AOPEP: variants seen among roughly 807,000 people sequenced by gnomAD.
The protein encoded by AOPEP is aminopeptidase O.
AOPEP carries 77 observed loss-of-function variants against 98.1 expected under a neutral mutation model. The ratio of observed to expected loss-of-function variants is 0.78; its 90% CI spans 0.65 to 0.95. The LOEUF is 0.95. AOPEP is among the 40% of genes least tolerant of loss of function. The pLI is 0.00. For missense variants in AOPEP, 1,024 were observed against 1,024.7 expected (o/e 1.00, Z 0.01); for synonymous variants, 346 against 365.3 (o/e 0.95, Z 0.60).
intron 5 of AOPEP, among the ~76,000 whole-genome samples, chr9:94,906,011 G>C (rs2051089262): frequency 6.6e-6 from 1 of 152,198 alleles, no homozygotes; most frequent in African/African-American, 2.4e-5. Flanking sequence ...GACAGGGAAA[G>C]AAACGAATAA....
intron 2 of AOPEP, among the ~76,000 whole-genome samples, chr9:94,766,060 G>A: frequency 6.6e-6 from 1 of 152,174 alleles, no homozygotes; most frequent in Admixed American, 6.5e-5. Flanking sequence ...CAAGAGTTGT[G>A]TAAAGGTGTT....
rs191350458 is a variant in AOPEP at position 94,862,234 on chromosome 9, G to A, written c.1364+61232G>A. On this transcript the variant is annotated intron_variant, in intron 5 of 16. Transcript: ENST00000375315. ...AGGACGTTTCTTTCAAAGTCACTGG[G>A]CTGGCTGAGCAGGACCCCCACAGAA... 5.3e-4 allele frequency among the ~76,000 whole-genome samples: 81 copies of A among 152,274 alleles called. 3 individuals carry two copies. Among genetic ancestry groups the A allele is most frequent in the African/African-American group, 1.9e-3 (80 of 41,568 alleles).
chr9:94,916,358 T>A (rs1478028212), intron 5 of AOPEP, among the ~76,000 whole-genome samples: 1 of 152,096 alleles, frequency 6.6e-6, no homozygotes, highest in Admixed American at 6.6e-5. Flanking sequence ...CCAGAAGAGT[T>A]CCCCAGATCC....
intron 5 of AOPEP, among the ~76,000 whole-genome samples, chr9:94,851,181 C>G (rs1004390715): frequency 2.0e-5 from 3 of 152,206 alleles, no homozygotes; most frequent in African/African-American, 4.8e-5. Context: ...TTTTCTGTTA[C>G]TGGTAGCCAA....
chr9:94,945,188 A>G (rs915399132), intron 7 of AOPEP, among the ~76,000 whole-genome samples: 7 of 152,194 alleles, frequency 4.6e-5, no homozygotes, highest in Non-Finnish European at 1.0e-4. Context: ...GCACAAGTGT[A>G]TACACACAAG....
At chr9:94,996,460 GA>G (rs1341804660) in intron 11 of AOPEP, among the ~76,000 whole-genome samples, 1 of 151,698 alleles carries the variant, frequency 6.6e-6, no homozygotes. Context: ...TGCAAGTTGT[GA>G]CTTCATTGGT....
At chr9:95,104,779 C>A in the AOPEP span, among the ~76,000 whole-genome samples, 3 of 152,146 alleles carry the variant, frequency 2.0e-5, no homozygotes, top group South Asian at 6.2e-4. Flanking sequence ...TCTCCACTCA[C>A]ACGGGCCACA....
intron 11 of AOPEP, among the ~76,000 whole-genome samples, chr9:94,999,384 C>G (rs1296778747): frequency 1.3e-5 from 2 of 152,112 alleles, no homozygotes; most frequent in Non-Finnish European, 2.9e-5. Flanking sequence ...GAACTCCAAG[C>G]TTTCTAGAAG....
chr9:94,882,796 A>C (rs2047743091), intron 5 of AOPEP, among the ~76,000 whole-genome samples: 1 of 152,234 alleles, frequency 6.6e-6, no homozygotes, highest in Non-Finnish European at 1.5e-5. Context: ...AAAACAAAAA[A>C]CAGAAAATAA....
intron 13 of AOPEP, among the ~76,000 whole-genome samples, chr9:95,023,600 G>T (rs2063624976): frequency 6.6e-6 from 1 of 152,216 alleles, no homozygotes; most frequent in Admixed American, 6.5e-5. Flanking sequence ...TTTACAAAAA[G>T]TCTGGTTATC....
chr9:94,745,438 GC>G (rs1259655536), intron 1 of AOPEP, among the ~76,000 whole-genome samples: 1 of 152,048 alleles, frequency 6.6e-6, no homozygotes, highest in Non-Finnish European at 1.5e-5. Context: ...ACCATGCCCG[GC>G]TAATTTTTTG....
intron 13 of AOPEP, among the ~76,000 whole-genome samples, chr9:95,033,186 T>G (rs955334637): frequency 6.6e-6 from 1 of 152,164 alleles, no homozygotes; most frequent in Non-Finnish European, 1.5e-5. Flanking sequence ...CAAACAGATA[T>G]AAGTCCGCTG....
At chr9:95,027,251 G>C (rs1341479095) in intron 13 of AOPEP, among the ~76,000 whole-genome samples, 1 of 152,168 alleles carries the variant, frequency 6.6e-6, no homozygotes, top group East Asian at 1.9e-4. Flanking sequence ...GACAGAGCCA[G>C]AGTGAGACCC....
chr9:95,111,312 C>T, the AOPEP span: 1 of 1,591,838 alleles, frequency 6.3e-7, no homozygotes, highest in Non-Finnish European at 8.5e-7. Context: ...GGCTGGAGAT[C>T]ACCATGCCTG....
intron 5 of AOPEP, among the ~76,000 whole-genome samples, chr9:94,876,353 TTTTTC>T (rs1464503784): frequency 6.6e-6 from 1 of 151,662 alleles, no homozygotes; most frequent in Non-Finnish European, 1.5e-5. Flanking sequence ...CATCAGTTGC[TTTTTC>T]TTTTCTTTTC....
chr9:94,898,132 G>C (rs187504700), intron 5 of AOPEP, among the ~76,000 whole-genome samples: 1 of 152,022 alleles, frequency 6.6e-6, no homozygotes, highest in Non-Finnish European at 1.5e-5. Context: ...GAGCCACTGT[G>C]CCCAGCCTAA....
At chr9:94,995,661 G>A (rs1315628078) in intron 11 of AOPEP, among the ~76,000 whole-genome samples, 1 of 152,008 alleles carries the variant, frequency 6.6e-6, no homozygotes, top group Admixed American at 6.6e-5. Flanking sequence ...GGCAAAACAG[G>A]CCATAATATT....
chr9:94,915,947 C>T (rs149218560), intron 5 of AOPEP, among the ~76,000 whole-genome samples: 7 of 152,322 alleles, frequency 4.6e-5, no homozygotes, highest in African/African-American at 1.7e-4. Flanking sequence ...CAAAGCAAAG[C>T]AGTCACCAAA....
At chr9:95,137,545 GC>G in the AOPEP span, among the ~76,000 whole-genome samples, 2 of 152,146 alleles carry the variant, frequency 1.3e-5, no homozygotes, top group East Asian at 3.9e-4. Flanking sequence ...TACTGGACAT[GC>G]CATTTCCTCA....
Sources: gnomAD v4.1 joint callset for allele counts (sites outside exome capture counted in the v4.1 genomes callset) on GRCh38, gnomAD v4.1.1 for gene constraint, MANE v1.5 for transcripts, NCBI Gene and HGNC (gene_info 2026-07-23, HGNC 2026-07-21) for gene names.